DYSF: variants seen among roughly 807,000 people sequenced by gnomAD.
DYSF encodes the protein dystrophy-associated fer-1-like 1.
A neutral mutation model predicts 274.9 loss-of-function variants in DYSF; 212 were observed. The observed-to-expected ratio is 0.77, with a 90% CI of 0.69 to 0.86. DYSF has a LOEUF of 0.86. DYSF is among the 40% of genes least tolerant of loss of function. The pLI, the probability that DYSF is intolerant of heterozygous loss-of-function variation, is 0.00. For missense variants in DYSF, 2,666 were observed against 2,783.2 expected, an observed-to-expected ratio of 0.96 and a Z score of 0.95; for synonymous variants, 1,091 against 1,078.7, an observed-to-expected ratio of 1.01 and a Z score of -0.22.
intron 53 of DYSF, among the ~76,000 whole-genome samples, chr2:71,680,531 T>C (rs2095282871): frequency 6.6e-6 from 1 of 152,226 alleles, no homozygotes; most frequent in South Asian, 2.1e-4. Context: ...GCAGCATTAT[T>C]TACCCTATCA....
At chr2:71,607,014 A>G (rs2093659946) in intron 36 of DYSF, among the ~76,000 whole-genome samples, 1 of 152,170 alleles carries the variant, frequency 6.6e-6, no homozygotes, top group African/African-American at 2.4e-5. Flanking sequence ...GAATTCAGCT[A>G]TGGTCCCTGT....
chr2:71,562,038 C>A (rs897148575), intron 23 of DYSF, 94 bp downstream of exon 23: 1 of 1,510,248 alleles, frequency 6.6e-7, no homozygotes, highest in Non-Finnish European at 9.0e-7. Flanking sequence ...GGATTATTAC[C>A]CACCCCGGTT....
At chr2:71,563,583 G>T (rs562315249) in intron 23 of DYSF, among the ~76,000 whole-genome samples, 1 of 152,302 alleles carries the variant, frequency 6.6e-6, no homozygotes, top group East Asian at 1.9e-4. Flanking sequence ...CGGGAGGAGG[G>T]TGTGTGTCCT....
rs2152680463 is a variant in DYSF at position 71,480,884 on chromosome 2, G to C, written c.93G>C (p.Gly31=). 6.2e-7 allele frequency: 1 copy of C among 1,613,842 alleles called. No homozygotes were observed. Among genetic ancestry groups the C allele is most frequent in the East Asian group, 2.2e-5 (1 of 44,862 alleles). Residue 31 remains glycine (G), a splice_region_variant and synonymous_variant, in exon 2 of 56, where the codon GGG becomes GGC. Transcript: ENST00000410020. Reference sequence around the variant, plus strand: ...TTCTCCCTTTTGTGTCTCTTGTAGGGGTGAAGAAGAGAACCAAAGTCATCA... The same window carrying C: ...TTCTCCCTTTTGTGTCTCTTGTAGGCGTGAAGAAGAGAACCAAAGTCATCA... ...SDPVASLTFR[G]VKKRTKVIKN...
At chr2:71,572,628 C>T (rs777717474) in intron 29 of DYSF, among the ~76,000 whole-genome samples, 6 of 152,224 alleles carry the variant, frequency 3.9e-5, no homozygotes, top group Non-Finnish European at 7.3e-5. Context: ...GTTCACAACT[C>T]GGAACACCAC....
chr2:71,683,720 A>G (rs2095323582), intron 55 of DYSF, among the ~76,000 whole-genome samples: 1 of 152,214 alleles, frequency 6.6e-6, no homozygotes, highest in Non-Finnish European at 1.5e-5. Context: ...AGTCCTGGTC[A>G]GCACCAGGCC....
chr2:71,651,824 CA>C (rs1252093020), intron 42 of DYSF, among the ~76,000 whole-genome samples: 1 of 151,978 alleles, frequency 6.6e-6, no homozygotes, highest in African/African-American at 2.4e-5. Flanking sequence ...TGCTTCATTC[CA>C]GGAATATAAA....
intron 4 of DYSF, among the ~76,000 whole-genome samples, chr2:71,511,548 T>G (rs1168061532): frequency 6.6e-6 from 1 of 152,226 alleles, no homozygotes; most frequent in East Asian, 1.9e-4. Context: ...ATGAGGAAAC[T>G]GAGGCACAGG....
chr2:71,655,002 G>C (rs991015105), intron 42 of DYSF, among the ~76,000 whole-genome samples: 3 of 152,192 alleles, frequency 2.0e-5, no homozygotes, highest in African/African-American at 7.2e-5. Flanking sequence ...AAGGTGGGGG[G>C]ATCATTTGAG....
At position 71,620,667 on chromosome 2, in the gene DYSF, G is replaced by A; in HGVS notation, c.4527+58G>A. On this transcript the variant is annotated intron_variant, in intron 41 of 55. Transcript: ENST00000410020. Reference sequence around the variant, plus strand: ...GTATTCCCTTGTGGGGCTGGGGGTAGGGGGGTTAGGAGGGAAATGGGAGGG... The same window carrying A: ...GTATTCCCTTGTGGGGCTGGGGGTAAGGGGGTTAGGAGGGAAATGGGAGGG... The A allele has an allele frequency of 2.7e-6, 4 of 1,506,196 alleles. No individual in the cohort carries two copies. The South Asian group carries it at 3.6e-5, about 14-fold the overall frequency. The allele number at this position is 1,506,196 out of a possible 1,614,324, so 93.3% of individuals were successfully genotyped here. A position where few individuals can be genotyped will look rare whatever the true frequency, so the allele number is the denominator to read the frequency against.
intron 10 of DYSF, 106 bp downstream of exon 10, chr2:71,517,145 T>C: frequency 9.0e-7 from 1 of 1,105,672 alleles, no homozygotes. Context: ...TTTCTCTGCT[T>C]TGGGAAAATA....
At position 71,647,246 on chromosome 2, in the gene DYSF, A is replaced by G. The variant is rs138836495; in HGVS notation, c.4626+3183A>G. On this transcript the variant is annotated intron_variant, in intron 42 of 55. Transcript: ENST00000410020. ...TTAAGCTACATGAAATTAAAGTTAT[A>G]GCTTTAAAATAGAGAATAAAAATAA... 3.3e-3 allele frequency among the ~76,000 whole-genome samples: 502 copies of G among 152,332 alleles called. 1 individual carries two copies. Among genetic ancestry groups the G allele is most frequent in the Middle Eastern group, 0.027 (8 of 292 alleles).
intron 36 of DYSF, among the ~76,000 whole-genome samples, chr2:71,608,352 A>G (rs1278272346): frequency 6.6e-6 from 1 of 151,980 alleles, no homozygotes; most frequent in Non-Finnish European, 1.5e-5. Context: ...GAGCATTTGG[A>G]CGCATGGTCA....
At chr2:71,526,496 C>T in intron 13 of DYSF, 150 bp downstream of exon 13, 2 of 1,186,118 alleles carry the variant, frequency 1.7e-6, no homozygotes. Flanking sequence ...GTAATCAGTG[C>T]TGGTGGAGTT....
At chr2:71,558,880 C>A (rs2091522676) in intron 22 of DYSF, among the ~76,000 whole-genome samples, 1 of 152,142 alleles carries the variant, frequency 6.6e-6, no homozygotes. Context: ...CACTGAGTGG[C>A]CCAGCACCTC....
At chr2:71,526,418 T>TGGGTGGGGGGGGGGGGGGTTG in intron 13 of DYSF, 72 bp downstream of exon 13, 5 of 261,504 alleles carry the variant, frequency 1.9e-5, no homozygotes, top group Non-Finnish European at 3.5e-5. Context: ...GGGTGGGCGA[T>TGGGTGGGGGGGGGGGGGGTTG]GGCGGGCGGG....
chr2:71,641,508 A>G (rs1456319034), intron 41 of DYSF, among the ~76,000 whole-genome samples: 1 of 152,104 alleles, frequency 6.6e-6, no homozygotes, highest in Non-Finnish European at 1.5e-5. Context: ...TTAATCATCA[A>G]TTATAATATT....
rs147263499 is a variant in DYSF, at chr2:71,682,536, C to T, written c.6180C>T (p.Pro2060=). ...TCCGGGATCTCGCTTCCAGGCGCCC[C>T]GACACCTCCTTCCTGTGGTTTACCT... ...MNPKLEDPRR[P]DTSFLWFTSP... Residue 2060 remains proline, a synonymous_variant, in exon 55 of 56, where the codon CCC becomes CCT. Coordinates refer to ENST00000410020, the MANE Select transcript of DYSF (RefSeq NM_001130987.2). The T allele has an allele frequency of 4.2e-4, 685 of 1,614,056 alleles. 3 individuals are homozygous for T. The African/African-American group carries it at 4.5e-3, about 11-fold the overall frequency.
chr2:71,648,703 T>G (rs774642229), intron 42 of DYSF, among the ~76,000 whole-genome samples: 2 of 152,194 alleles, frequency 1.3e-5, no homozygotes, highest in African/African-American at 4.8e-5. Flanking sequence ...ACTTTAGAGA[T>G]AAAGAAATAA....
Sources: gnomAD v4.1 joint callset for allele counts (sites outside exome capture counted in the v4.1 genomes callset) on GRCh38, gnomAD v4.1.1 for gene constraint, MANE v1.5 for transcripts, NCBI Gene and HGNC (gene_info 2026-07-23, HGNC 2026-07-21) for gene names.